Variants in GOLT1B observed in about 807,000 individuals in gnomAD.
The protein encoded by GOLT1B is golgi transport 1B, also known as vesicle transport protein GOT1B.
In GOLT1B, 3 loss-of-function variants were observed where a neutral mutation model predicts 15.4. The observed-to-expected ratio is 0.19, with a 90% CI of 0.09 to 0.50. The LOEUF (loss-of-function observed/expected upper bound fraction) is 0.50. Ranked by LOEUF, GOLT1B falls within the 20% of genes least tolerant of loss-of-function variation. The pLI, the probability that GOLT1B is intolerant of heterozygous loss-of-function variation, is 0.97. For missense variants in GOLT1B, 145 were observed against 160.4 expected (o/e 0.90, Z 0.52); for synonymous variants, 65 against 56.2 (o/e 1.16, Z -0.70).
At chr12:21,502,033 A>C in intron 1 of GOLT1B, 85 bp downstream of exon 1, 1 of 963,872 alleles carries the variant, frequency 1.0e-6, no homozygotes, top group South Asian at 1.3e-5. Context: ...GGGTCAATGA[A>C]TGAAGCTCTG....
intron 1 of GOLT1B, among the ~76,000 whole-genome samples, chr12:21,506,039 A>AC (rs138350975): frequency 0.45 from 67,353 of 151,272 alleles, 15,603 homozygotes; most frequent in East Asian, 0.67. Flanking sequence ...TTTAAAGCTT[A>AC]CACCTCGTCT....
At chr12:21,515,253 A>G (rs1362112327) in intron 4 of GOLT1B, 2 of 1,463,756 alleles carry the variant, frequency 1.4e-6, no homozygotes, top group African/African-American at 2.8e-5. Flanking sequence ...ATAGGCCCAG[A>G]AGAGATCCAC....
chr12:21,515,085 C>G (rs1435515604), intron 4 of GOLT1B, among the ~76,000 whole-genome samples: 3 of 151,430 alleles, frequency 2.0e-5, no homozygotes, highest in Non-Finnish European at 4.4e-5. Flanking sequence ...AATTTATATT[C>G]AATAATTATA....
chr12:21,516,332 G>T lies in GOLT1B; in HGVS notation c.*625G>T, dbSNP rs769273276. The T allele has an allele frequency of 6.6e-6, 1 of 152,062 alleles. No individual in the cohort carries two copies. Among genetic ancestry groups the T allele is most frequent in the Non-Finnish European group, 1.5e-5 (1 of 67,964 alleles). 9.4% of individuals were successfully genotyped at this position (152,062 alleles called of 1,614,324 possible). A position where few individuals can be genotyped will look rare whatever the true frequency, so the allele number is the denominator to read the frequency against. Reference sequence around the variant, plus strand: ...ATATTCTTTGTTGGAATATGCAAAGGTCATTCTTTACTAACTTTTAGTTAC... The same window carrying T: ...ATATTCTTTGTTGGAATATGCAAAGTTCATTCTTTACTAACTTTTAGTTAC... On this transcript the variant is annotated 3_prime_UTR_variant, in exon 5 of 5. Transcript: ENST00000229314.
intron 1 of GOLT1B, among the ~76,000 whole-genome samples, chr12:21,504,867 C>T (rs1014232420): frequency 2.6e-5 from 4 of 152,158 alleles, no homozygotes; most frequent in Non-Finnish European, 4.4e-5. Context: ...CTTGAATCCC[C>T]TAAAAGATGC....
rs191426437 is a variant in GOLT1B at position 21,502,829 on chromosome 12, T to C, written c.25+881T>C. ...TCATAAGAGTCTCTTTTTGTCTCAC[T>C]TTGCTTTATCTGCCACGCCTTTCAT... On this transcript the variant is annotated intron_variant, in intron 1 of 4. Coordinates refer to ENST00000229314, the MANE Select transcript of GOLT1B (RefSeq NM_016072.5). 4.6e-5 allele frequency among the ~76,000 whole-genome samples: 7 copies of C among 152,350 alleles called. No homozygotes were observed. In the East Asian group the frequency reaches 1.3e-3, roughly 29 times the overall value.
intron 1 of GOLT1B, among the ~76,000 whole-genome samples, chr12:21,502,158 G>A (rs373793910): frequency 5.6e-4 from 85 of 152,342 alleles, no homozygotes; most frequent in African/African-American, 2.0e-3. Flanking sequence ...AGAAGAGTCT[G>A]TGGGGCAGGG....
rs760265879 is a variant in GOLT1B at position 21,516,876 on chromosome 12, A to G, written c.*1169A>G. 1 of 152,376 alleles carries G rather than the reference A, an allele frequency of 6.6e-6. No individual in the cohort carries two copies. The highest frequency in any genetic ancestry group is 1.5e-5 in the Non-Finnish European group (1 of 67,906). 9.4% of individuals were successfully genotyped at this position (152,376 alleles called of 1,614,324 possible). A position where few individuals can be genotyped will look rare whatever the true frequency, so the allele number is the denominator to read the frequency against. On this transcript the variant is annotated 3_prime_UTR_variant, in exon 5 of 5. Transcript: ENST00000229314. ...CGTGCTAAAGTCATTTCACTGTAAT[A>G]AACTGACTGTGGTTTCTTAAGAACA... is the stretch of plus-strand genomic sequence containing the variant.
intron 3 of GOLT1B, among the ~76,000 whole-genome samples, chr12:21,510,072 T>C (rs924475462): frequency 6.6e-6 from 1 of 152,076 alleles, no homozygotes; most frequent in Non-Finnish European, 1.5e-5. Context: ...TGTTCTGATA[T>C]CAGGATAAAG....
chr12:21,512,870 G>C (rs570595077), intron 4 of GOLT1B, among the ~76,000 whole-genome samples: 49 of 152,172 alleles, frequency 3.2e-4, no homozygotes, highest in Middle Eastern at 3.4e-3. Flanking sequence ...TTCGAGACCA[G>C]CCTGGGCAAC....
At chr12:21,514,006 C>T (rs375508434) in intron 4 of GOLT1B, among the ~76,000 whole-genome samples, 13 of 152,312 alleles carry the variant, frequency 8.5e-5, no homozygotes, top group African/African-American at 2.9e-4. Flanking sequence ...GGAACTTGCT[C>T]AATTTCAAGA....
chr12:21,515,378 A>G, intron 4 of GOLT1B: 1 of 602,964 alleles, frequency 1.7e-6, no homozygotes, highest in East Asian at 2.9e-5. Flanking sequence ...TGTTATCTTC[A>G]TCTTATACAA....
In GOLT1B at chr12:21,515,906, A is replaced by G. The variant is rs1274022297; in HGVS notation, c.*199A>G. On this transcript the variant is annotated 3_prime_UTR_variant, in exon 5 of 5. Transcript: ENST00000229314. ...AGGCTTCTACTCAAGTGAACTAAGA[A>G]GAAGTCAGCAAGCAAACTGAGAGAG... is the stretch of plus-strand genomic sequence containing the variant. 4.4e-6 allele frequency: 2 copies of G among 450,166 alleles called. No homozygotes were observed. Among genetic ancestry groups the G allele is most frequent in the Non-Finnish European group, 7.7e-6 (2 of 258,766 alleles). The allele number at this position is 450,166 out of a possible 1,614,324, so 27.9% of individuals were successfully genotyped here.
rs772297896 is a variant in GOLT1B, at chr12:21,516,047, T to C, written c.*340T>C. ...ACTGTGGTGCCTGTTTCTTTTCTTT[T>C]TATTTTGAAGGCTCAGGAGCATCCA... On this transcript the variant is annotated 3_prime_UTR_variant, in exon 5 of 5. Coordinates refer to ENST00000229314, the MANE Select transcript of GOLT1B (RefSeq NM_016072.5). 1 of 200,094 alleles carries C rather than the reference T, an allele frequency of 5.0e-6. No homozygotes were observed. The highest frequency in any genetic ancestry group is 9.9e-6 in the Non-Finnish European group (1 of 100,804). 12.4% of individuals were successfully genotyped at this position (200,094 alleles called of 1,614,324 possible).
intron 4 of GOLT1B, chr12:21,515,251 A>G: frequency 6.8e-7 from 1 of 1,464,750 alleles, no homozygotes; most frequent in South Asian, 1.2e-5. Context: ...ACATAGGCCC[A>G]GAAGAGATCC....
chr12:21,513,584 A>G (rs1050560082), intron 4 of GOLT1B, among the ~76,000 whole-genome samples: 2 of 151,786 alleles, frequency 1.3e-5, no homozygotes, highest in African/African-American at 4.8e-5. Context: ...AAGTGCTGGG[A>G]TTACAGGTGT....
At chr12:21,505,418 T>C (rs1943672157) in intron 1 of GOLT1B, among the ~76,000 whole-genome samples, 1 of 152,202 alleles carries the variant, frequency 6.6e-6, no homozygotes, top group Non-Finnish European at 1.5e-5. Context: ...AAATAGTTAA[T>C]TTGGTAAATT....
chr12:21,515,138 C>T (rs762986924), intron 4 of GOLT1B: 17 of 610,064 alleles, frequency 2.8e-5, no homozygotes, highest in Non-Finnish European at 4.9e-5. Flanking sequence ...ATGTCATTAC[C>T]ACTTTCAATC....
At chr12:21,509,227 C>T (rs909236047) in intron 3 of GOLT1B, among the ~76,000 whole-genome samples, 4 of 151,782 alleles carry the variant, frequency 2.6e-5, no homozygotes, top group Admixed American at 1.3e-4. Flanking sequence ...GATGAAACCC[C>T]GTCTCTACTA....
Sources: allele counts gnomAD v4.1 joint callset (sites outside exome capture counted in the v4.1 genomes callset), GRCh38; gene constraint gnomAD v4.1.1; transcripts MANE v1.5; gene names NCBI Gene and HGNC (gene_info 2026-07-23, HGNC 2026-07-21).